RAD51B: variants seen among roughly 807,000 people sequenced by gnomAD.
RAD51B encodes the protein DNA repair protein RAD51 homolog 2.
Under a neutral mutation model 42.2 loss-of-function variants are expected in RAD51B, and 38 were observed. The observed-to-expected ratio is 0.90, with a 90% CI of 0.70 to 1.18. The LOEUF (loss-of-function observed/expected upper bound fraction) is 1.18, where lower values mean the gene tolerates loss of function less well. Among genes scored for constraint, RAD51B ranks in the 50% most tolerant of loss-of-function variants. The probability of loss-of-function intolerance (pLI) is 0.00; values close to 1 mark genes in which losing one functional copy is unlikely to be tolerated. For missense variants in RAD51B, 373 were observed against 400.7 expected (o/e 0.93, Z 0.59); for synonymous variants, 154 against 145.2 (o/e 1.06, Z -0.43).
At chr14:68,135,109 T>C (rs2077981242) in intron 7 of RAD51B, among the ~76,000 whole-genome samples, 1 of 152,200 alleles carries the variant, frequency 6.6e-6, no homozygotes. Context: ...AGTAAAACCA[T>C]TGAGTACATA....
chr14:68,118,605 G>A (rs1334789748), intron 7 of RAD51B, among the ~76,000 whole-genome samples: 2 of 152,230 alleles, frequency 1.3e-5, no homozygotes, highest in African/African-American at 2.4e-5. Flanking sequence ...GGTAAGATGT[G>A]CTTGGGCACA....
intron 8 of RAD51B, among the ~76,000 whole-genome samples, chr14:68,375,738 A>C (rs1455205532): frequency 2.6e-5 from 4 of 152,288 alleles, no homozygotes; most frequent in African/African-American, 9.6e-5. Flanking sequence ...TTAATGAATC[A>C]GCTTATTTAA....
chr14:67,874,153 A>G (rs28751961), intron 5 of RAD51B, among the ~76,000 whole-genome samples: 7,802 of 152,180 alleles, frequency 0.051, 460 homozygotes, highest in African/African-American at 0.15. Flanking sequence ...AGGAGATGAT[A>G]TACTTAAAAG....
At chr14:68,410,012 A>C (rs1386498335) in intron 8 of RAD51B, among the ~76,000 whole-genome samples, 1 of 152,158 alleles carries the variant, frequency 6.6e-6, no homozygotes, top group East Asian at 1.9e-4. Context: ...TTGAACCAGG[A>C]AATAGATATA....
chr14:67,885,942 A>G lies in RAD51B; in HGVS notation c.526A>G (p.Lys176Glu). 5 of 1,608,298 alleles carry G rather than the reference A, an allele frequency of 3.1e-6. No individual in the cohort carries two copies. Among genetic ancestry groups the G allele is most frequent in the Non-Finnish European group, 4.3e-6 (5 of 1,175,832 alleles). ...AGAAAAGTTACTTTTGACAAGTAGT[A>G]AAGTTCATCTTTATCGGGAACTCAC... ...TEEKLLLTSS[K>E]VHLYRELTCD... is the part of the protein sequence containing the mutation. The change falls in exon 6 of 11, where the codon AAA (lysine) becomes GAA (glutamate). Residue 176 changes from lysine (K) to glutamate (E), a missense_variant. Lys to Glu is a moderately conservative substitution (Grantham distance 56). Transcript: ENST00000471583.
At chr14:68,187,112 C>G (rs1436723439) in intron 7 of RAD51B, among the ~76,000 whole-genome samples, 1 of 152,102 alleles carries the variant, frequency 6.6e-6, no homozygotes, top group Non-Finnish European at 1.5e-5. Context: ...GAACACGAAA[C>G]CAAATACCGC....
At chr14:68,125,909 G>T (rs1022680185) in intron 7 of RAD51B, among the ~76,000 whole-genome samples, 5 of 152,062 alleles carry the variant, frequency 3.3e-5, no homozygotes, top group African/African-American at 1.2e-4. Flanking sequence ...AAGCACCAAC[G>T]TCCCATAGGA....
At chr14:67,912,787 C>T (rs1407522770) in intron 7 of RAD51B, among the ~76,000 whole-genome samples, 2 of 151,386 alleles carry the variant, frequency 1.3e-5, no homozygotes, top group Non-Finnish European at 2.9e-5. Flanking sequence ...CTCACTGCAA[C>T]CTCTGTCTCC....
At chr14:68,112,889 A>G (rs1406247218) in intron 7 of RAD51B, among the ~76,000 whole-genome samples, 1 of 152,134 alleles carries the variant, frequency 6.6e-6, no homozygotes, top group East Asian at 1.9e-4. Context: ...AATTAAATAA[A>G]CTTGCTACGT....
At chr14:68,067,363 C>A (rs532254744) in intron 7 of RAD51B, among the ~76,000 whole-genome samples, 6 of 150,820 alleles carry the variant, frequency 4.0e-5, no homozygotes, top group African/African-American at 1.2e-4. Flanking sequence ...ACTTAGGAGG[C>A]TGAGGCAGCA....
At chr14:67,976,147 C>T (rs1035362380) in intron 7 of RAD51B, among the ~76,000 whole-genome samples, 14 of 151,178 alleles carry the variant, frequency 9.3e-5, no homozygotes, top group African/African-American at 3.2e-4. Context: ...GACAAGGTCT[C>T]ACTCTGCTGT....
intron 10 of RAD51B, chr14:68,563,769 G>GCGTAA: frequency 1.0e-6 from 1 of 985,300 alleles, no homozygotes; most frequent in Non-Finnish European, 1.2e-6. Flanking sequence ...AAACTCTGAG[G>GCGTAA]CGTAACCTGA....
intron 10 of RAD51B, among the ~76,000 whole-genome samples, chr14:68,627,535 G>A (rs1402827115): frequency 6.6e-6 from 1 of 152,156 alleles, no homozygotes; most frequent in Non-Finnish European, 1.5e-5. Flanking sequence ...GCCGCGTTTG[G>A]AAGGCTGTGA....
intron 8 of RAD51B, among the ~76,000 whole-genome samples, chr14:68,403,490 C>T (rs116619801): frequency 6.6e-6 from 1 of 152,152 alleles, no homozygotes; most frequent in Non-Finnish European, 1.5e-5. Flanking sequence ...AGCTTTCCAA[C>T]AGGCCTCTTC....
chr14:68,249,584 T>C (rs1484334642), intron 7 of RAD51B, among the ~76,000 whole-genome samples: 2 of 152,246 alleles, frequency 1.3e-5, no homozygotes, highest in Admixed American at 1.3e-4. Flanking sequence ...CCACTTGTTA[T>C]ATAAAACAAA....
At chr14:68,168,942 C>A (rs1402462043) in intron 7 of RAD51B, among the ~76,000 whole-genome samples, 1 of 152,092 alleles carries the variant, frequency 6.6e-6, no homozygotes, top group Non-Finnish European at 1.5e-5. Flanking sequence ...ACATTTCAGA[C>A]TTCCCCTTTA....
At chr14:68,104,546 A>G (rs1411877628) in intron 7 of RAD51B, among the ~76,000 whole-genome samples, 1 of 152,156 alleles carries the variant, frequency 6.6e-6, no homozygotes, top group Non-Finnish European at 1.5e-5. Flanking sequence ...TCAGTTATCT[A>G]ATCTCCCCAC....
intron 7 of RAD51B, among the ~76,000 whole-genome samples, chr14:68,185,086 G>T (rs527722573): frequency 1.8e-4 from 28 of 152,168 alleles, no homozygotes; most frequent in African/African-American, 6.7e-4. Flanking sequence ...TATGCACTGG[G>T]AGTGTACTCC....
intron 8 of RAD51B, among the ~76,000 whole-genome samples, chr14:68,338,040 C>T (rs1436989316): frequency 6.6e-6 from 1 of 152,140 alleles, no homozygotes; most frequent in African/African-American, 2.4e-5. Context: ...AATCCTCCTG[C>T]CTCACACTCC....
Sources: gnomAD v4.1 joint callset for allele counts (sites outside exome capture counted in the v4.1 genomes callset) on GRCh38, gnomAD v4.1.1 for gene constraint, MANE v1.5 for transcripts, NCBI Gene and HGNC (gene_info 2026-07-23, HGNC 2026-07-21) for gene names.